The following UBR4 variants were observed in gnomAD, a reference collection of about 807,000 sequenced individuals.
UBR4 encodes the protein ubiquitin protein ligase E3 component n-recognin 4.
UBR4 carries 124 observed loss-of-function variants against 575.6 expected under a neutral mutation model. That is an observed-to-expected ratio of 0.22 (90% confidence interval 0.19 to 0.25). UBR4 has a LOEUF of 0.25. Ranked by LOEUF, UBR4 falls within the 10% of genes least tolerant of loss-of-function variation. UBR4 has a pLI of 1.00. For synonymous variants in UBR4, 2,455 were observed against 2,473.7 expected (o/e 0.99, Z 0.22); for missense variants, 4,818 against 6,478.8 (o/e 0.74, Z 8.80).
rs1275600409 is a variant in UBR4, at chr1:19,187,154, T to G, written c.1632+10A>C. 1.2e-6 allele frequency: 2 copies of G among 1,602,584 alleles called. No individual in the cohort carries two copies. Among genetic ancestry groups the G allele is most frequent in the Admixed American group, 3.4e-5 (2 of 59,430 alleles). ...TCTTCTAAATTATCAATGGCTTAAC[T>G]CCCACCCACCTTTCTGTAGGAAGTT... On this transcript the variant is annotated intron_variant, in intron 13 of 105. Coordinates refer to ENST00000375254, the MANE Select transcript of UBR4 (RefSeq NM_020765.3).
chr1:19,100,484 C>G lies in UBR4; in HGVS notation c.13113G>C (p.Pro4371=). ...CGATGCCTGGCTCATTGCTGCTATA[C>G]GGGTTCCCAGGCATCCTGCCCTGTA... is the stretch of plus-strand genomic sequence containing the variant. ...DFLQGRMPGN[P]YSSNEPGIGP... is the part of the protein sequence containing the mutation. Residue 4371 remains proline, a synonymous_variant, in exon 89 of 106, where the codon CCG becomes CCC. Coordinates refer to ENST00000375254, the MANE Select transcript of UBR4 (RefSeq NM_020765.3). This position sits in a 1 kb window ranked among gnomAD's most constrained non-coding sequence, Gnocchi z 4.2. The G allele has an allele frequency of 6.2e-7, 1 of 1,614,138 alleles. No homozygotes were observed. The highest frequency in any genetic ancestry group is 8.5e-7 in the Non-Finnish European group (1 of 1,180,022).
intron 70 of UBR4, 92 bp from the exon 71 acceptor site, chr1:19,119,049 G>T: frequency 1.8e-6 from 2 of 1,095,228 alleles, no homozygotes; most frequent in Non-Finnish European, 2.7e-6. Flanking sequence ...GCTGAATACT[G>T]CCCTAGACCT....
chr1:19,143,528 T>C (rs1557764498), intron 55 of UBR4, among the ~76,000 whole-genome samples: 1 of 152,220 alleles, frequency 6.6e-6, no homozygotes, highest in East Asian at 1.9e-4. Context: ...TCCAACTTAT[T>C]GTAGGTAAGT....
rs145476137 is a variant in UBR4 at position 19,191,288 on chromosome 1, T to A, written c.1394+900A>T. Among the ~76,000 whole-genome samples, 599 of 152,256 alleles carry A rather than the reference T, an allele frequency of 3.9e-3. 4 individuals carry two copies. The highest frequency in any genetic ancestry group is 0.014 in the Middle Eastern group (4 of 294). ...AGTTCGAGACCCTGCCTGGCCAACATGGTGAAACCCCGTCTCTACTAAAAA... is the reference window on the plus strand; with the variant it reads ...AGTTCGAGACCCTGCCTGGCCAACAAGGTGAAACCCCGTCTCTACTAAAAA... On this transcript the variant is annotated intron_variant, in intron 11 of 105. Transcript: ENST00000375254.
At chr1:19,173,346 T>C in intron 23 of UBR4, 40 bp from the exon 24 acceptor site, 8 of 1,612,298 alleles carry the variant, frequency 5.0e-6, no homozygotes, top group Admixed American at 1.7e-5. Context: ...GAGATGACTA[T>C]AGGCAAAGCT....
intron 61 of UBR4, among the ~76,000 whole-genome samples, chr1:19,128,609 G>A (rs958039048): frequency 2.6e-5 from 4 of 152,152 alleles, no homozygotes; most frequent in African/African-American, 4.8e-5. Context: ...AGAAAGGGTG[G>A]TACACCAAAC....
At chr1:19,083,745 G>T (rs997188767) in intron 102 of UBR4, among the ~76,000 whole-genome samples, 1 of 152,098 alleles carries the variant, frequency 6.6e-6, no homozygotes, top group African/African-American at 2.4e-5. Context: ...TGTTGCTTAG[G>T]CTGGGCTCAA....
intron 55 of UBR4, among the ~76,000 whole-genome samples, chr1:19,142,236 G>A (rs530731094): frequency 1.6e-4 from 24 of 152,088 alleles, no homozygotes; most frequent in Non-Finnish European, 2.8e-4. Flanking sequence ...TTCACACTAC[G>A]TAATTACTAT....
chr1:19,082,065 T>G (rs2076570994), intron 102 of UBR4: 1 of 452,216 alleles, frequency 2.2e-6, no homozygotes, highest in Non-Finnish European at 3.9e-6. Context: ...TTACATGGTT[T>G]GCACTAAATG....
chr1:19,208,361 G>C (rs2093115095), intron 1 of UBR4, among the ~76,000 whole-genome samples: 1 of 151,622 alleles, frequency 6.6e-6, no homozygotes, highest in African/African-American at 2.4e-5. Context: ...CAGCTACTTG[G>C]GAGGCTGAGG....
chr1:19,094,234 G>A (rs1226760750), intron 94 of UBR4, 95 bp from the exon 95 acceptor site: 1 of 902,486 alleles, frequency 1.1e-6, no homozygotes, highest in Admixed American at 2.4e-5. Flanking sequence ...TTCCATCAGA[G>A]TCATCAGGAA....
chr1:19,126,459 C>T lies in UBR4; in HGVS notation c.9425G>A (p.Arg3142His), dbSNP rs566520033. 2.0e-5 allele frequency: 32 copies of T among 1,613,984 alleles called. No individual in the cohort carries two copies. Among genetic ancestry groups the T allele is most frequent in the Admixed American group, 6.7e-5 (4 of 59,992 alleles). Residue 3142 changes from arginine to histidine, a missense_variant, in exon 64 of 106, where the codon CGC becomes CAC. This residue lies in a region of UBR4 where 550 missense variants were observed against 791.5 expected (regional missense o/e 0.69). Coordinates refer to ENST00000375254, the MANE Select transcript of UBR4 (RefSeq NM_020765.3). ...GAAAGATCTCACCTTCACATACTGG[C>T]GGAGAAAGAATGGGCTCATGTCAGG... Reference protein sequence around the residue: ...SPPDMSPFFLRQYVKGHAADV... With the variant: ...SPPDMSPFFLHQYVKGHAADV...
Position 19,148,542 on chromosome 1 carries a change from T to C in UBR4, c.7494+21A>G, listed in dbSNP as rs186661295. On this transcript the variant is annotated intron_variant, in intron 50 of 105. Coordinates refer to ENST00000375254, the MANE Select transcript of UBR4 (RefSeq NM_020765.3). ...CCTGCCTCTTCAGAAAGCTTCCATG[T>C]GCTTTGAAAAAGTGACTTGCCTTCT... 9 of 1,614,202 alleles carry C rather than the reference T, an allele frequency of 5.6e-6. No homozygotes were observed. The East Asian group carries it at 2.0e-4, about 36-fold the overall frequency.
At chr1:19,150,440 G>C in intron 49 of UBR4, 137 bp downstream of exon 49, 1 of 894,322 alleles carries the variant, frequency 1.1e-6, no homozygotes, top group South Asian at 1.6e-5. Context: ...GAATGTGGGC[G>C]AGTTGTATGA....
intron 1 of UBR4, among the ~76,000 whole-genome samples, chr1:19,205,247 G>A (rs1256441378): frequency 6.6e-6 from 1 of 152,174 alleles, no homozygotes; most frequent in African/African-American, 2.4e-5. Context: ...CCAATTTGAT[G>A]TGTAAGTAAA....
chr1:19,076,897 C>A lies in UBR4; in HGVS notation c.15330G>T (p.Val5110=). 6.4e-7 allele frequency: 1 copy of A among 1,558,862 alleles called. No individual in the cohort carries two copies. The highest frequency in any genetic ancestry group is 1.2e-5 in the South Asian group (1 of 81,492). ...AGCCTCCCTCTGTGTTACTGGTAGG[C>A]ACCTTCTACGAGAATCAACAGGAGA... The part of the protein sequence containing the change: ...VDLIYNMFKK[V]PTSNTEGGWS... Residue 5110 remains valine, a synonymous_variant, in exon 105 of 106, where the codon GTG becomes GTT. Coordinates refer to ENST00000375254, the MANE Select transcript of UBR4 (RefSeq NM_020765.3).
chr1:19,136,728 T>G (rs180818162), intron 60 of UBR4, among the ~76,000 whole-genome samples: 2 of 152,306 alleles, frequency 1.3e-5, no homozygotes, highest in Admixed American at 1.3e-4. Flanking sequence ...ATGTTTAAAG[T>G]AAATTTTTTA....
chr1:19,155,133 C>T lies in UBR4; in HGVS notation c.6301-58G>A, dbSNP rs571916671. 4.9e-5 allele frequency: 78 copies of T among 1,601,240 alleles called. No individual in the cohort carries two copies. The Admixed American group carries it at 7.2e-4, about 15-fold the overall frequency. On this transcript the variant is annotated intron_variant, in intron 43 of 105. Transcript: ENST00000375254. Reference sequence around the variant, plus strand: ...TCATGTTGCCTTGGCTACCAACTTCCGGTTTATACTGGTTATTATTTTCAA... The same window carrying T: ...TCATGTTGCCTTGGCTACCAACTTCTGGTTTATACTGGTTATTATTTTCAA...
At chr1:19,176,434 C>A (rs76673399) in intron 20 of UBR4, among the ~76,000 whole-genome samples, 158 bp downstream of exon 20, 2,992 of 152,240 alleles carry the variant, frequency 0.02, 41 homozygotes, top group South Asian at 0.056. Flanking sequence ...ATGTGGGAGT[C>A]CATTTCTGAA....
Sources: allele counts gnomAD v4.1 joint callset (sites outside exome capture counted in the v4.1 genomes callset), GRCh38; gene constraint gnomAD v4.1.1; regional missense constraint gnomAD v4.1.1; non-coding constraint Gnocchi (gnomAD v3.1); transcripts MANE v1.5; gene names NCBI Gene and HGNC (gene_info 2026-07-23, HGNC 2026-07-21).